The following MEGF6 variants were observed in gnomAD, a reference collection of about 807,000 sequenced individuals.
MEGF6 encodes the protein multiple epidermal growth factor-like domains protein 6.
Under a neutral mutation model 207.1 loss-of-function variants are expected in MEGF6, and 184 were observed. The ratio of observed to expected loss-of-function variants is 0.89; its 90% CI spans 0.79 to 1.00. The LOEUF (loss-of-function observed/expected upper bound fraction) is 1.00, where lower values mean the gene tolerates loss of function less well. MEGF6 is among the 50% of genes least tolerant of loss of function. The pLI is 0.00. For missense variants in MEGF6, 2,282 were observed against 2,202.9 expected, an observed-to-expected ratio of 1.04 and a Z score of -0.72; for synonymous variants, 1,038 against 910.0, an observed-to-expected ratio of 1.14 and a Z score of -2.53.
At position 3,497,023 on chromosome 1, in the gene MEGF6, C is replaced by T; in HGVS notation, c.3578G>A (p.Cys1193Tyr). The change falls in exon 28 of 37, where the codon TGT becomes TAT. Residue 1193 changes from cysteine (C) to tyrosine (Y), a missense_variant. Transcript: ENST00000356575. ...ACHPATGTCS[C>Y]AAGYHGPSCQ... Reference sequence around the variant, plus strand: ...GCTGGGGCCGTGGTAGCCAGCAGCACATGAGCAGGTCCCGGTGGCAGGGTG... The same window carrying T: ...GCTGGGGCCGTGGTAGCCAGCAGCATATGAGCAGGTCCCGGTGGCAGGGTG... 6.4e-7 allele frequency: 1 copy of T among 1,552,138 alleles called. No homozygotes were observed. The highest frequency in any genetic ancestry group is 8.7e-7 in the Non-Finnish European group (1 of 1,148,278).
intron 4 of MEGF6, among the ~76,000 whole-genome samples, chr1:3,545,569 G>C (rs906073893): frequency 6.7e-6 from 1 of 149,134 alleles, no homozygotes; most frequent in African/African-American, 2.6e-5. Context: ...TCCTCATCAC[G>C]GGTCTGGGAG....
In MEGF6 at chr1:3,602,372, C is replaced by T. The variant is rs760254398; in HGVS notation, c.266+94G>A. The stretch of plus-strand genomic sequence containing the variant: ...GTTGCGTGTGGCCCTGAGACCAGGA[C>T]GGGGTCCTGGCCTCAGCTGCCCAGC... On this transcript the variant is annotated intron_variant, in intron 2 of 36. Coordinates refer to ENST00000356575, the MANE Select transcript of MEGF6 (RefSeq NM_001409.4). 29 of 1,556,874 alleles carry T rather than the reference C, an allele frequency of 1.9e-5. No individual in the cohort carries two copies. In the East Asian group the frequency reaches 3.3e-4, roughly 18 times the overall value.
intron 1 of MEGF6, among the ~76,000 whole-genome samples, chr1:3,602,885 G>C (rs552998628): frequency 6.6e-6 from 1 of 152,194 alleles, no homozygotes; most frequent in Non-Finnish European, 1.5e-5. Context: ...AGCCACCAAC[G>C]ACGCTGCCTC....
chr1:3,561,548 T>C (rs976980917), intron 4 of MEGF6, among the ~76,000 whole-genome samples: 7 of 152,084 alleles, frequency 4.6e-5, no homozygotes, highest in African/African-American at 1.7e-4. Context: ...TCGGGGACCA[T>C]GCACCCCGCA....
chr1:3,515,090 CACT>C (rs2101085000), intron 6 of MEGF6, among the ~76,000 whole-genome samples: 1 of 152,314 alleles, frequency 6.6e-6, no homozygotes, highest in African/African-American at 2.4e-5. Context: ...TCTGGAGGAC[CACT>C]GAGTCTGCCG....
At chr1:3,561,941 T>C (rs1355818335) in intron 4 of MEGF6, among the ~76,000 whole-genome samples, 2 of 152,220 alleles carry the variant, frequency 1.3e-5, no homozygotes, top group Admixed American at 6.5e-5. Flanking sequence ...GAACATTCCT[T>C]GGTTCCTCCA....
Position 3,490,916 on chromosome 1 carries a change from G to A in MEGF6, c.4560C>T (p.Gly1520=), listed in dbSNP as rs758348898. Residue 1520 remains glycine, a synonymous_variant, in exon 36 of 37, where the codon GGC becomes GGT. Coordinates refer to ENST00000356575, the MANE Select transcript of MEGF6 (RefSeq NM_001409.4). ...RLPENPSLAQ[G]SAGTLPASSR... ...GGCATTCCCCACACCCCTTACCTGA[G>A]CCCTGGGCTAAGGACGGGTTCTCGG... The A allele has an allele frequency of 1.3e-6, 2 of 1,594,970 alleles. No individual in the cohort carries two copies. Among genetic ancestry groups the A allele is most frequent in the South Asian group, 2.3e-5 (2 of 87,716 alleles).
chr1:3,577,220 ACGT>A (rs1434508790), intron 4 of MEGF6, among the ~76,000 whole-genome samples: 1 of 152,146 alleles, frequency 6.6e-6, no homozygotes, highest in Non-Finnish European at 1.5e-5. Flanking sequence ...TGTGAAGGCC[ACGT>A]CTGCCCCAAC....
intron 4 of MEGF6, chr1:3,531,215 C>A: frequency 6.7e-7 from 1 of 1,491,800 alleles, no homozygotes; most frequent in Non-Finnish European, 8.9e-7. Context: ...CACCAGAGCG[C>A]GGCCAGCCCG....
intron 4 of MEGF6, among the ~76,000 whole-genome samples, chr1:3,537,542 G>A (rs1642370009): frequency 6.6e-6 from 1 of 152,248 alleles, no homozygotes; most frequent in Non-Finnish European, 1.5e-5. Flanking sequence ...GACCCTGAAC[G>A]AGTGGCCGGG....
At chr1:3,571,487 G>C (rs1643491983) in intron 4 of MEGF6, among the ~76,000 whole-genome samples, 1 of 151,746 alleles carries the variant, frequency 6.6e-6, no homozygotes, top group African/African-American at 2.4e-5. Context: ...GGTCCTCCCG[G>C]CTCCAAAGGC....
intron 4 of MEGF6, among the ~76,000 whole-genome samples, chr1:3,578,874 G>A (rs1161115200): frequency 2.0e-5 from 3 of 151,874 alleles, no homozygotes; most frequent in African/African-American, 4.9e-5. Flanking sequence ...CAGCACCTCT[G>A]CAGAACCCCT....
At chr1:3,509,329 GC>G in intron 11 of MEGF6, 84 bp from the exon 12 acceptor site, 1 of 1,277,940 alleles carries the variant, frequency 7.8e-7, no homozygotes, top group Non-Finnish European at 1.0e-6. Flanking sequence ...CTGGGCCTAA[GC>G]CCCACCCCAG....
intron 4 of MEGF6, among the ~76,000 whole-genome samples, chr1:3,544,695 A>G (rs74050573): frequency 0.011 from 1,684 of 152,314 alleles, 31 homozygotes; most frequent in African/African-American, 0.038. Context: ...TCCCAGCCAC[A>G]GGCACTGAGA....
intron 4 of MEGF6, among the ~76,000 whole-genome samples, chr1:3,570,146 T>C (rs1402577147): frequency 1.3e-5 from 2 of 152,148 alleles, no homozygotes; most frequent in African/African-American, 4.8e-5. Context: ...CATAGCAAGA[T>C]GGTCGTGGAG....
intron 4 of MEGF6, among the ~76,000 whole-genome samples, chr1:3,544,644 C>CA (rs1326081122): frequency 6.6e-6 from 1 of 152,126 alleles, no homozygotes; most frequent in Non-Finnish European, 1.5e-5. Context: ...CAGGCAGCCC[C>CA]CAGCAGGGTC....
chr1:3,547,631 G>A (rs919577713), intron 4 of MEGF6, among the ~76,000 whole-genome samples: 6 of 152,098 alleles, frequency 3.9e-5, no homozygotes, highest in South Asian at 2.1e-4. Context: ...CCTTCCTGGC[G>A]CGTCTCTGGG....
chr1:3,591,294 C>G (rs1056822489), intron 3 of MEGF6, among the ~76,000 whole-genome samples: 1 of 152,182 alleles, frequency 6.6e-6, no homozygotes, highest in South Asian at 2.1e-4. Flanking sequence ...CCAGAACCAC[C>G]GAGCAGGGGG....
At chr1:3,509,048 GC>G (rs1278452129) in intron 12 of MEGF6, 26 bp downstream of exon 12, 15 of 1,510,052 alleles carry the variant, frequency 9.9e-6, no homozygotes, top group East Asian at 4.9e-5. Flanking sequence ...GCGAGCAGGA[GC>G]CCCCGGGGGC....
Sources: allele counts gnomAD v4.1 joint callset (sites outside exome capture counted in the v4.1 genomes callset), GRCh38; gene constraint gnomAD v4.1.1; transcripts MANE v1.5; gene names NCBI Gene and HGNC (gene_info 2026-07-23, HGNC 2026-07-21).